The following FSTL5 variants were observed in gnomAD, a reference collection of about 807,000 sequenced individuals.
FSTL5 encodes the protein follistatin like 5.
FSTL5 carries 62 observed loss-of-function variants against 89.1 expected under a neutral mutation model. The observed-to-expected ratio is 0.70, with a 90% CI of 0.57 to 0.86. The LOEUF (loss-of-function observed/expected upper bound fraction) is 0.86. FSTL5 is among the 40% of genes least tolerant of loss of function. The pLI is 0.00. For missense variants in FSTL5, 1,057 were observed against 1,001.6 expected (o/e 1.06, Z -0.75); for synonymous variants, 383 against 346.2 (o/e 1.11, Z -1.18).
intron 1 of FSTL5, among the ~76,000 whole-genome samples, chr4:162,119,960 CT>C (rs1731790005): frequency 6.6e-6 from 1 of 152,042 alleles, no homozygotes; most frequent in Non-Finnish European, 1.5e-5. Context: ...ACACAGTACA[CT>C]TTTTTTCTTA....
At chr4:161,960,516 G>A (rs976025303) in intron 3 of FSTL5, among the ~76,000 whole-genome samples, 1 of 151,752 alleles carries the variant, frequency 6.6e-6, no homozygotes, top group African/African-American at 2.4e-5. Context: ...GAAATTATAT[G>A]CATAAATCTT....
intron 7 of FSTL5, among the ~76,000 whole-genome samples, chr4:161,652,410 G>A (rs1736373523): frequency 6.6e-6 from 1 of 152,210 alleles, no homozygotes; most frequent in African/African-American, 2.4e-5. Flanking sequence ...ACACCAGCCT[G>A]TACAACAAAC....
chr4:161,820,981 A>C (rs2126849944), intron 4 of FSTL5, among the ~76,000 whole-genome samples: 1 of 151,924 alleles, frequency 6.6e-6, no homozygotes, highest in Admixed American at 6.6e-5. Flanking sequence ...TACAAATAAA[A>C]AATGTATATA....
intron 3 of FSTL5, among the ~76,000 whole-genome samples, chr4:161,962,025 T>C (rs1735193662): frequency 6.6e-6 from 1 of 151,942 alleles, no homozygotes; most frequent in Non-Finnish European, 1.5e-5. Flanking sequence ...ATTATAGCTA[T>C]ATTAATATCA....
chr4:161,797,139 GC>G (rs1442233282), intron 4 of FSTL5, among the ~76,000 whole-genome samples: 2 of 151,456 alleles, frequency 1.3e-5, no homozygotes, highest in Non-Finnish European at 3.0e-5. Flanking sequence ...GGGTCACTAT[GC>G]CTTTCTATAT....
intron 6 of FSTL5, among the ~76,000 whole-genome samples, chr4:161,706,046 G>T (rs1239060379): frequency 7.5e-6 from 1 of 132,996 alleles, no homozygotes; most frequent in East Asian, 2.2e-4. Flanking sequence ...TTAATAATAG[G>T]TTTATGGAGG....
intron 6 of FSTL5, among the ~76,000 whole-genome samples, chr4:161,687,311 C>T (rs1244384574): frequency 6.6e-6 from 1 of 152,060 alleles, no homozygotes. Flanking sequence ...GGATACAGTC[C>T]ATTGGTGCTC....
rs115385182 is a variant in FSTL5, at chr4:161,445,350, A to T, written c.1841+9654T>A. Reference sequence around the variant, plus strand: ...TTACTAAAATTCGTATTCTTGACTTATAAAATCACTGTTTACCATAATAAA... The same window carrying T: ...TTACTAAAATTCGTATTCTTGACTTTTAAAATCACTGTTTACCATAATAAA... On this transcript the variant is annotated intron_variant, in intron 15 of 15. Coordinates refer to ENST00000306100, the MANE Select transcript of FSTL5 (RefSeq NM_020116.5). Among the ~76,000 whole-genome samples the T allele has an allele frequency of 6.5e-3, 993 of 151,996 alleles. 4 individuals carry two copies. The highest frequency in any genetic ancestry group is 0.023 in the African/African-American group (943 of 41,548).
At chr4:161,876,321 A>C (rs1462353849) in intron 4 of FSTL5, among the ~76,000 whole-genome samples, 1 of 152,228 alleles carries the variant, frequency 6.6e-6, no homozygotes, top group Non-Finnish European at 1.5e-5. Context: ...TCTACATTAT[A>C]ATCAAGAGGA....
chr4:161,847,633 T>A (rs1731410670), intron 4 of FSTL5, among the ~76,000 whole-genome samples: 1 of 152,156 alleles, frequency 6.6e-6, no homozygotes, highest in Non-Finnish European at 1.5e-5. Context: ...TTTCTTTGAG[T>A]GGAGTTCTAA....
At chr4:161,622,296 A>G (rs1341776364) in intron 7 of FSTL5, among the ~76,000 whole-genome samples, 8 of 152,090 alleles carry the variant, frequency 5.3e-5, no homozygotes, top group Admixed American at 3.3e-4. Flanking sequence ...TGAATCCTGG[A>G]AAGGTTAAGA....
At chr4:161,940,216 T>C (rs1025610701) in intron 3 of FSTL5, among the ~76,000 whole-genome samples, 1 of 151,294 alleles carries the variant, frequency 6.6e-6, no homozygotes, top group Non-Finnish European at 1.5e-5. Context: ...AATTTGAAGG[T>C]AAGTCAATTG....
At chr4:161,611,378 T>G (rs2126635811) in intron 7 of FSTL5, among the ~76,000 whole-genome samples, 1 of 151,534 alleles carries the variant, frequency 6.6e-6, no homozygotes, top group Admixed American at 6.6e-5. Flanking sequence ...TTTCTTTACA[T>G]TTCTTCATTC....
chr4:161,764,541 G>A (rs1457346546), intron 5 of FSTL5, among the ~76,000 whole-genome samples: 1 of 152,120 alleles, frequency 6.6e-6, no homozygotes. Context: ...TTACAGGTGT[G>A]AGCCACTGCA....
chr4:161,645,472 G>C (rs116625784), intron 7 of FSTL5, among the ~76,000 whole-genome samples: 1 of 151,900 alleles, frequency 6.6e-6, no homozygotes, highest in African/African-American at 2.4e-5. Flanking sequence ...TTAAAAATAC[G>C]TTTTAAATTA....
chr4:162,003,052 G>A (rs1166283925), intron 3 of FSTL5, among the ~76,000 whole-genome samples: 2 of 152,262 alleles, frequency 1.3e-5, no homozygotes, highest in Non-Finnish European at 2.9e-5. Flanking sequence ...GCTGAGGCAG[G>A]AGAATGGTGT....
intron 2 of FSTL5, among the ~76,000 whole-genome samples, chr4:162,085,019 T>C (rs898612074): frequency 2.0e-5 from 3 of 152,030 alleles, no homozygotes; most frequent in African/African-American, 7.2e-5. Context: ...CCTTAGCACA[T>C]TGCCAGTATA....
chr4:162,081,212 T>G (rs1422141134), intron 2 of FSTL5, among the ~76,000 whole-genome samples: 1 of 151,144 alleles, frequency 6.6e-6, no homozygotes, highest in East Asian at 1.9e-4. Context: ...AAAATCAGAG[T>G]TTTCCAGAGT....
At chr4:161,649,324 G>A (rs1348790923) in intron 7 of FSTL5, among the ~76,000 whole-genome samples, 1 of 152,108 alleles carries the variant, frequency 6.6e-6, no homozygotes. Context: ...AGACAGTTGA[G>A]GTTCTTATGA....
Sources: gnomAD v4.1 joint callset for allele counts (sites outside exome capture counted in the v4.1 genomes callset) on GRCh38, gnomAD v4.1.1 for gene constraint, MANE v1.5 for transcripts, NCBI Gene and HGNC (gene_info 2026-07-23, HGNC 2026-07-21) for gene names.